Variants in PHF24 observed in about 807,000 individuals in gnomAD.
The protein encoded by PHF24 is PHD finger protein 24.
Under a neutral mutation model 42.6 loss-of-function variants are expected in PHF24, and 25 were observed. The observed-to-expected ratio is 0.59, with a 90% CI of 0.43 to 0.82. The LOEUF (loss-of-function observed/expected upper bound fraction) is 0.82, where lower values mean the gene tolerates loss of function less well. PHF24 is among the 40% of genes least tolerant of loss of function. The probability of loss-of-function intolerance (pLI) is 0.00; values close to 1 mark genes in which losing one functional copy is unlikely to be tolerated. For synonymous variants in PHF24, 185 were observed against 204.8 expected (o/e 0.90, Z 0.83); for missense variants, 470 against 538.1 (o/e 0.87, Z 1.25).
At chr9:34,899,418 C>A in the PHF24 span, among the ~76,000 whole-genome samples, 12 of 152,194 alleles carry the variant, frequency 7.9e-5, no homozygotes, top group African/African-American at 2.4e-4. Context: ...TGTAAAGAAA[C>A]ATGTGACTGA....
the PHF24 span, chr9:34,894,391 G>T: frequency 3.7e-4 from 147 of 398,376 alleles, no homozygotes; most frequent in Non-Finnish European, 5.8e-4. Context: ...GCTGAGAAAT[G>T]ATCACAGACC....
chr9:34,936,667 C>T, the PHF24 span, among the ~76,000 whole-genome samples: 1 of 151,684 alleles, frequency 6.6e-6, no homozygotes, highest in Non-Finnish European at 1.5e-5. Context: ...AAGTGAGGAG[C>T]GTCTCTGCCC....
the PHF24 span, among the ~76,000 whole-genome samples, chr9:34,856,629 A>C: frequency 6.6e-6 from 1 of 152,218 alleles, no homozygotes; most frequent in Admixed American, 6.5e-5. Flanking sequence ...GCAAAACAGC[A>C]AAGATGGCAG....
At chr9:34,707,979 C>T in the PHF24 span, among the ~76,000 whole-genome samples, 168 of 152,286 alleles carry the variant, frequency 1.1e-3, 2 homozygotes, top group Middle Eastern at 0.017. Flanking sequence ...ATCCGCCTGC[C>T]TTGGCCTCCC....
chr9:34,772,429 C>T, the PHF24 span, among the ~76,000 whole-genome samples: 1 of 151,958 alleles, frequency 6.6e-6, no homozygotes, highest in Non-Finnish European at 1.5e-5. Flanking sequence ...TGGTTTGAAC[C>T]TAAAAGGCTA....
At chr9:34,936,668 G>A in the PHF24 span, among the ~76,000 whole-genome samples, 5 of 150,814 alleles carry the variant, frequency 3.3e-5, no homozygotes, top group East Asian at 2.0e-4. Flanking sequence ...AGTGAGGAGC[G>A]TCTCTGCCCG....
intron 5 of PHF24, 43 bp from the exon 6 acceptor site, chr9:34,977,040 A>G (rs769906451): frequency 6.5e-7 from 1 of 1,538,370 alleles, no homozygotes; most frequent in African/African-American, 1.4e-5. Flanking sequence ...TTGGCAGTTT[A>G]CAAGATATCT....
At chr9:34,953,573 T>A (rs1483211376), upstream of PHF24, among the ~76,000 whole-genome samples, 1 of 152,190 alleles carries the variant, frequency 6.6e-6, no homozygotes, top group Non-Finnish European at 1.5e-5. This position sits in a 1 kb window ranked among gnomAD's most constrained non-coding sequence, Gnocchi z 4.1. Context: ...CATTTTAGTA[T>A]TGTTTACTGC....
At chr9:34,700,585 T>C in the PHF24 span, among the ~76,000 whole-genome samples, 1 of 152,252 alleles carries the variant, frequency 6.6e-6, no homozygotes, top group African/African-American at 2.4e-5. Context: ...TAGACTTAAG[T>C]TGAAGCTGCA....
chr9:34,922,906 G>C, the PHF24 span: 1 of 1,536,968 alleles, frequency 6.5e-7, no homozygotes, highest in Non-Finnish European at 8.9e-7. Context: ...TTCTGAACCA[G>C]CTCATTTTTA....
chr9:34,680,706 A>C, the PHF24 span, among the ~76,000 whole-genome samples: 1 of 64,862 alleles, frequency 1.5e-5, no homozygotes, highest in Non-Finnish European at 3.6e-5. Context: ...AAATAAATAA[A>C]TAAAAAAAAA....
chr9:34,799,666 T>C, the PHF24 span, among the ~76,000 whole-genome samples: 1 of 152,186 alleles, frequency 6.6e-6, no homozygotes, highest in Non-Finnish European at 1.5e-5. Context: ...CCTAAGGGAT[T>C]GACACTATTC....
At chr9:34,837,894 C>A in the PHF24 span, among the ~76,000 whole-genome samples, 2 of 152,180 alleles carry the variant, frequency 1.3e-5, no homozygotes, top group South Asian at 2.1e-4. Context: ...TCACTTGGAG[C>A]CTTTTCCAAA....
intron 3 of PHF24, among the ~76,000 whole-genome samples, chr9:34,973,127 A>G (rs2132912958): frequency 6.6e-6 from 1 of 152,254 alleles, no homozygotes; most frequent in East Asian, 1.9e-4. Flanking sequence ...CCCCCGGTAG[A>G]GAACCTCTGA....
At chr9:34,967,145 G>A (rs967333822) in intron 1 of PHF24, among the ~76,000 whole-genome samples, 8 of 152,082 alleles carry the variant, frequency 5.3e-5, no homozygotes, top group Admixed American at 3.3e-4. Context: ...TCCATCTCTG[G>A]TGGATCTTCC....
the PHF24 span, among the ~76,000 whole-genome samples, chr9:34,761,519 G>A: frequency 6.6e-6 from 1 of 152,038 alleles, no homozygotes; most frequent in Non-Finnish European, 1.5e-5. Context: ...GAAAGATGAA[G>A]TACCTTCTCA....
At chr9:34,699,706 G>A in the PHF24 span, among the ~76,000 whole-genome samples, 1 of 152,166 alleles carries the variant, frequency 6.6e-6, no homozygotes, top group Non-Finnish European at 1.5e-5. Context: ...TAATAAAGAA[G>A]GCATCTGTTA....
the PHF24 span, among the ~76,000 whole-genome samples, chr9:34,736,791 A>G: frequency 6.6e-6 from 1 of 152,246 alleles, no homozygotes; most frequent in Non-Finnish European, 1.5e-5. Context: ...AACAAAGATA[A>G]GAATTATAGT....
chr9:34,785,241 A>G, the PHF24 span, among the ~76,000 whole-genome samples: 1 of 152,202 alleles, frequency 6.6e-6, no homozygotes, highest in African/African-American at 2.4e-5. Context: ...GTGTCCTCAC[A>G]TAGGTGAAGG....
Sources: gnomAD v4.1 joint callset for allele counts (sites outside exome capture counted in the v4.1 genomes callset) on GRCh38, gnomAD v4.1.1 for gene constraint, Gnocchi (gnomAD v3.1) non-coding constraint, MANE v1.5 for transcripts, NCBI Gene and HGNC (gene_info 2026-07-23, HGNC 2026-07-21) for gene names.